The following DCHS1 variants were observed in gnomAD, a reference collection of about 807,000 sequenced individuals.
DCHS1 encodes the protein dachsous cadherin-related 1.
In DCHS1, 78 loss-of-function variants were observed where a neutral mutation model predicts 213.9. The ratio of observed to expected loss-of-function variants is 0.36; its 90% CI spans 0.30 to 0.44. The LOEUF (loss-of-function observed/expected upper bound fraction) is 0.44, where lower values mean the gene tolerates loss of function less well. Ranked by LOEUF, DCHS1 falls within the 20% of genes least tolerant of loss-of-function variation. The pLI is 1.00. For missense variants in DCHS1, 3,946 were observed against 4,395.9 expected (o/e 0.90, Z 2.89); for synonymous variants, 1,828 against 1,873.7 (o/e 0.98, Z 0.63).
rs143037513 is a variant in DCHS1 at position 6,625,161 on chromosome 11, C to A, written c.7146+37G>T. On this transcript the variant is annotated intron_variant, in intron 19 of 20. Transcript: ENST00000299441. This position sits in a 1 kb window ranked among gnomAD's most constrained non-coding sequence, Gnocchi z 5.3. ...ATACTTCCCTCCAACAGGAACAACC[C>A]AGGCCCAGGTGTAGGTGGATCCATG... The A allele has an allele frequency of 6.5e-7, 1 of 1,542,592 alleles. No homozygotes were observed. The highest frequency in any genetic ancestry group is 1.3e-5 in the South Asian group (1 of 78,616).
Position 6,623,807 on chromosome 11 carries a change from A to C in DCHS1, c.7869T>G (p.His2623Gln). Residue 2623 changes from histidine (H) to glutamine (Q), a missense_variant, in exon 21 of 21, where the codon CAT (histidine) becomes CAG (glutamine). Physicochemically the swap from His to Gln is conservative, Grantham distance 24. Transcript: ENST00000299441. The stretch of plus-strand genomic sequence containing the variant: ...CAGGGTCAGCGTCAGAGGCCTCTAC[A>C]TGCAGCAGCTCAGCTCCAACAGGTG... ...EDTPVGAELL[H>Q]VEASDADPGP... The C allele has an allele frequency of 3.1e-6, 5 of 1,613,900 alleles. No individual in the cohort carries two copies. Among genetic ancestry groups the C allele is most frequent in the Non-Finnish European group, 4.2e-6 (5 of 1,179,806 alleles).
In DCHS1 at chr11:6,632,787, G is replaced by C; in HGVS notation, c.2725C>G (p.Pro909Ala). ...CGCAGTGTATAGATGGGAGTCCCTG[G>C]GGCAGTGTTTGGTGGTAGCAATACC... ...DTVLLPPNTA[P>A]GTPIYTLRAL... Residue 909 changes from proline to alanine, a missense_variant, in exon 6 of 21, where the codon CCA becomes GCA. Physicochemically the swap from Pro to Ala is conservative, Grantham distance 27 (BLOSUM62 -1). Around this residue, in one of 3 missense-constraint regions of DCHS1, gnomAD observed 3,384 missense variants for 3,780.1 expected, o/e 0.90. Coordinates refer to ENST00000299441, the MANE Select transcript of DCHS1 (RefSeq NM_003737.4). The surrounding 1 kb of genome is among the most constrained non-coding windows in gnomAD (Gnocchi z 5.9). The C allele has an allele frequency of 6.2e-7, 1 of 1,613,836 alleles. No individual in the cohort carries two copies. The highest frequency in any genetic ancestry group is 8.5e-7 in the Non-Finnish European group (1 of 1,179,818).
chr11:6,626,301 A>G lies in DCHS1; in HGVS notation c.6444T>C (p.Ser2148=). 1 of 1,612,956 alleles carries G rather than the reference A, an allele frequency of 6.2e-7. No homozygotes were observed. Among genetic ancestry groups the G allele is most frequent in the Non-Finnish European group, 8.5e-7 (1 of 1,179,566 alleles). ...PRLRLVLQAE[S]GGAFAFTVLT... is the part of the protein sequence containing the mutation. ...GCACAGTGAAGGCAAAGGCTCCTCC[A>G]CTCTCTGCCTGCAGCACCAGTCGCA... The change falls in exon 16 of 21, where the codon AGT becomes AGC. Residue 2148 remains serine (S), a synonymous_variant. Transcript: ENST00000299441. This position sits in a 1 kb window ranked among gnomAD's most constrained non-coding sequence, Gnocchi z 5.2.
In DCHS1 at chr11:6,629,707, G is replaced by A. The variant is rs975716238; in HGVS notation, c.5000C>T (p.Ser1667Phe). The change falls in exon 11 of 21, where the codon TCT (serine) becomes TTT (phenylalanine). Residue 1667 changes from serine to phenylalanine, a missense_variant. Physicochemically the swap from Ser to Phe is radical, Grantham distance 155. Coordinates refer to ENST00000299441, the MANE Select transcript of DCHS1 (RefSeq NM_003737.4). The stretch of plus-strand genomic sequence containing the variant: ...GTCGGTTGCTCGCAGGGTGAGCAGA[G>A]ATGTGCCAGGAGGGTTGTTCTCACG... ...LLRENNPPGT[S>F]LLTLRATDPD... The A allele has an allele frequency of 2.5e-6, 4 of 1,613,722 alleles. No individual in the cohort carries two copies. Among genetic ancestry groups the A allele is most frequent in the African/African-American group, 1.3e-5 (1 of 74,950 alleles).
At chr11:6,649,728 C>G in intron 1 of DCHS1, among the ~76,000 whole-genome samples, 1 of 151,962 alleles carries the variant, frequency 6.6e-6, no homozygotes, top group East Asian at 1.9e-4. Flanking sequence ...AGCTGGGGCA[C>G]GGGGTAGTGA....
intron 20 of DCHS1, 96 bp downstream of exon 20, chr11:6,624,634 A>G (rs1021459802): frequency 4.5e-6 from 7 of 1,552,376 alleles, no homozygotes; most frequent in African/African-American, 1.4e-5. Context: ...CCAGAGATCC[A>G]GGAGTTAAAG....
At position 6,622,791 on chromosome 11, in the gene DCHS1, C is replaced by T. The variant is rs145316650; in HGVS notation, c.8885G>A (p.Arg2962Gln). Reference protein sequence around the residue: ...ALAALVLGLVRARSRKAEAAP... With the variant: ...ALAALVLGLVQARSRKAEAAP... ...TGCCTCAGCCTTGCGGCTACGGGCC[C>T]GAACAAGTCCTAGGACCAGGGCTGC... Residue 2962 changes from arginine (R) to glutamine (Q), a missense_variant, in exon 21 of 21, where the codon CGG becomes CAG. Coordinates refer to ENST00000299441, the MANE Select transcript of DCHS1 (RefSeq NM_003737.4). This position sits in a 1 kb window ranked among gnomAD's most constrained non-coding sequence, Gnocchi z 5.4. 2.4e-5 allele frequency: 39 copies of T among 1,593,096 alleles called. No homozygotes were observed. The African/African-American group carries it at 4.3e-4, about 18-fold the overall frequency.
At position 6,626,241 on chromosome 11, in the gene DCHS1, A is replaced by T. The variant is rs1855800637; in HGVS notation, c.6504T>A (p.Ala2168=). The change falls in exon 16 of 21, where the codon GCT becomes GCA. Residue 2168 remains alanine (A), a synonymous_variant. Transcript: ENST00000299441. The surrounding 1 kb of genome is among the most constrained non-coding windows in gnomAD (Gnocchi z 5.2). The part of the protein sequence containing the change: ...TLTLQDANDN[A]PRFLRPHYVA... ...CATAATGGGGCCGCAGGAAACGGGG[A>T]GCATTGTCGTTGGCATCTTGCAGGG... The T allele has an allele frequency of 4.3e-6, 7 of 1,612,140 alleles. No individual in the cohort carries two copies. In the South Asian group the frequency reaches 6.6e-5, roughly 15 times the overall value.
Position 6,631,649 on chromosome 11 carries a change from A to G in DCHS1, c.3642T>C (p.Ala1214=), listed in dbSNP as rs749003639. ...LNDNSPTFLQ[A]SGAAGGGLPI... is the part of the protein sequence containing the mutation. ...GGAGGCCCCCACCAGCAGCTCCTGA[A>G]GCCTGCAGGAACGTGGGGCTGTTGT... is the stretch of plus-strand genomic sequence containing the variant. The change falls in exon 7 of 21, where the codon GCT becomes GCC. Residue 1214 remains alanine (A), a synonymous_variant. Coordinates refer to ENST00000299441, the MANE Select transcript of DCHS1 (RefSeq NM_003737.4). The G allele has an allele frequency of 6.3e-7, 1 of 1,597,676 alleles. No homozygotes were observed. Among genetic ancestry groups the G allele is most frequent in the South Asian group, 1.1e-5 (1 of 88,114 alleles).
At position 6,629,894 on chromosome 11, in the gene DCHS1, G is replaced by A. The variant is rs764209544; in HGVS notation, c.4813C>T (p.Arg1605Trp). The A allele has an allele frequency of 2.5e-6, 4 of 1,612,392 alleles. No homozygotes were observed. The highest frequency in any genetic ancestry group is 2.5e-6 in the Non-Finnish European group (3 of 1,179,356). ...GCTCGTTGTTCGCGGTCCAACGGCCGCACCACGGACAGCGCTCCTAGGTGA... is the reference window on the plus strand; with the variant it reads ...GCTCGTTGTTCGCGGTCCAACGGCCACACCACGGACAGCGCTCCTAGGTGA... ...HSSTGALSVV[R>W]PLDREQRAEH... The change falls in exon 11 of 21, where the codon CGG (arginine) becomes TGG (tryptophan). Residue 1605 changes from arginine to tryptophan, a missense_variant. By Grantham distance (101) the Arg-to-Trp change is moderately radical. This residue lies in a region of DCHS1 where 3,384 missense variants were observed against 3,780.1 expected (regional missense o/e 0.90). Coordinates refer to ENST00000299441, the MANE Select transcript of DCHS1 (RefSeq NM_003737.4).
intron 1 of DCHS1, among the ~76,000 whole-genome samples, chr11:6,651,734 C>T (rs1170882420): frequency 6.6e-6 from 1 of 152,250 alleles, no homozygotes; most frequent in Non-Finnish European, 1.5e-5. Flanking sequence ...AGAACCAACA[C>T]GTTCCAAGGG....
Position 6,639,109 on chromosome 11 carries a change from C to CA in DCHS1, c.1797+707dup, listed in dbSNP as rs36017764. On this transcript the variant is annotated intron_variant, in intron 2 of 20. Coordinates refer to ENST00000299441, the MANE Select transcript of DCHS1 (RefSeq NM_003737.4). ...TGGGCAACAGAGCGAGACTCCGCCT[C>CA]AAAAAAAAAAAAAAGAAGTTCAGTG... is the stretch of plus-strand genomic sequence containing the variant. Among the ~76,000 whole-genome samples the CA allele has an allele frequency of 8.5e-3, 1,203 of 141,740 alleles. 24 individuals are homozygous for CA. The highest frequency in any genetic ancestry group is 0.029 in the African/African-American group (1,077 of 36,624). 93.0% of individuals were successfully genotyped at this position (141,740 alleles called of 152,430 possible).
chr11:6,652,281 A>C (rs1187757525), intron 1 of DCHS1, among the ~76,000 whole-genome samples: 1 of 152,238 alleles, frequency 6.6e-6, no homozygotes, highest in African/African-American at 2.4e-5. Flanking sequence ...GAGGTCAGGC[A>C]GTTAAGGACT....
intron 2 of DCHS1, 62 bp downstream of exon 2, chr11:6,639,755 G>A: frequency 7.1e-7 from 1 of 1,412,700 alleles, no homozygotes; most frequent in Admixed American, 2.1e-5. Flanking sequence ...TTCCTGCTCT[G>A]AGGTCCCCTG....
chr11:6,635,527 G>A (rs1855974063), intron 2 of DCHS1, among the ~76,000 whole-genome samples: 1 of 152,184 alleles, frequency 6.6e-6, no homozygotes, highest in Admixed American at 6.5e-5. Context: ...TGTGCTTAGA[G>A]AGAAAGCTGG....
At position 6,627,186 on chromosome 11, in the gene DCHS1, G is replaced by C; in HGVS notation, c.5853C>G (p.Arg1951=). The change falls in exon 14 of 21, where the codon CGC becomes CGG. Residue 1951 remains arginine (R), a synonymous_variant. Coordinates refer to ENST00000299441, the MANE Select transcript of DCHS1 (RefSeq NM_003737.4). The surrounding 1 kb of genome is among the most constrained non-coding windows in gnomAD (Gnocchi z 5.4). The part of the protein sequence containing the change: ...STTVSVTITV[R]DVNDHAPTFP... ...AGGTGGGTGCATGGTCATTGACATC[G>C]CGCACCGTGATGGTGACAGACACTG... 1 of 1,612,770 alleles carries C rather than the reference G, an allele frequency of 6.2e-7. No individual in the cohort carries two copies. The highest frequency in any genetic ancestry group is 8.5e-7 in the Non-Finnish European group (1 of 1,179,502).
Position 6,640,746 on chromosome 11 carries a change from C to T in DCHS1, c.868G>A (p.Val290Met). The change falls in exon 2 of 21, where the codon GTG becomes ATG. Residue 290 changes from valine to methionine, a missense_variant. Around this residue, in one of 3 missense-constraint regions of DCHS1, gnomAD observed 3,384 missense variants for 3,780.1 expected, o/e 0.90. Transcript: ENST00000299441. The surrounding 1 kb of genome is among the most constrained non-coding windows in gnomAD (Gnocchi z 6.5). ...SDADAGVNGA[V>M]TYEINRRQSE... ...TGCCTCCGGTTGATCTCGTAAGTCA[C>T]AGCCCCATTGACACCAGCATCGGCA... 1 of 1,614,036 alleles carries T rather than the reference C, an allele frequency of 6.2e-7. No homozygotes were observed. Among genetic ancestry groups the T allele is most frequent in the Non-Finnish European group, 8.5e-7 (1 of 1,179,904 alleles).
chr11:6,627,776 G>A lies in DCHS1; in HGVS notation c.5372-109C>T. On this transcript the variant is annotated intron_variant, in intron 13 of 20. Coordinates refer to ENST00000299441, the MANE Select transcript of DCHS1 (RefSeq NM_003737.4). This position sits in a 1 kb window ranked among gnomAD's most constrained non-coding sequence, Gnocchi z 5.4. ...GTGCACAAAAGCAAGTGAACCTTATGAGAGAAAGGAAGAAAAACAGAAACA... is the reference window on the plus strand; with the variant it reads ...GTGCACAAAAGCAAGTGAACCTTATAAGAGAAAGGAAGAAAAACAGAAACA... 2 of 1,202,864 alleles carry A rather than the reference G, an allele frequency of 1.7e-6. No homozygotes were observed. The highest frequency in any genetic ancestry group is 1.6e-5 in the South Asian group (1 of 61,988). 74.5% of individuals were successfully genotyped at this position (1,202,864 alleles called of 1,614,324 possible).
At chr11:6,631,902 A>T in intron 6 of DCHS1, 93 bp from the exon 7 acceptor site, 1 of 1,431,770 alleles carries the variant, frequency 7.0e-7, no homozygotes, top group Non-Finnish European at 9.2e-7. Context: ...GGAGTGGGGG[A>T]GGGAATGCCA....
Sources: allele counts gnomAD v4.1 joint callset (sites outside exome capture counted in the v4.1 genomes callset), GRCh38; gene constraint gnomAD v4.1.1; regional missense constraint gnomAD v4.1.1; non-coding constraint Gnocchi (gnomAD v3.1); transcripts MANE v1.5; gene names NCBI Gene and HGNC (gene_info 2026-07-23, HGNC 2026-07-21).